The following PRH1 variants were observed in gnomAD, a reference collection of about 807,000 sequenced individuals.
PRH1 encodes proline rich protein HaeIII subfamily 1.
A neutral mutation model predicts 7.9 loss-of-function variants in PRH1; 7 were observed. The ratio of observed to expected loss-of-function variants is 0.89; its 90% CI spans 0.50 to 1.67. The LOEUF (loss-of-function observed/expected upper bound fraction) is 1.67. PRH1 is among the 40% of genes most tolerant of loss of function. PRH1 has a pLI of 0.00. For missense variants in PRH1, 109 were observed against 223.6 expected (o/e 0.49, Z 3.27); for synonymous variants, 45 against 80.8 (o/e 0.56, Z 2.38).
chr12:10,980,538 T>C (rs1227594020), intron 1 of PRH1, among the ~76,000 whole-genome samples: 1 of 151,978 alleles, frequency 6.6e-6, no homozygotes, highest in African/African-American at 2.4e-5. Flanking sequence ...CTTTATATAA[T>C]GAGAAATATG....
chr12:10,907,513 ATG>A (rs10566346), intron 2 of PRH1, among the ~76,000 whole-genome samples: 73,491 of 150,358 alleles, frequency 0.49, 20,203 homozygotes, highest in East Asian at 0.71. Context: ...CTATAACTGT[ATG>A]TGTGTGTGTG....
upstream of PRH1, among the ~76,000 whole-genome samples, chr12:10,885,662 T>G (rs1172333467): frequency 6.6e-6 from 1 of 152,218 alleles, no homozygotes; most frequent in Non-Finnish European, 1.5e-5. Context: ...ACCTAGAAAT[T>G]CCCTGCTCAT....
intron 1 of PRH1, among the ~76,000 whole-genome samples, chr12:11,139,351 T>C (rs912575492): frequency 4.6e-5 from 7 of 152,182 alleles, no homozygotes; most frequent in Non-Finnish European, 8.8e-5. Context: ...CGTCTTCTTG[T>C]TGATATTTCC....
chr12:11,032,413 A>G (rs1332592905), intron 1 of PRH1, among the ~76,000 whole-genome samples: 1 of 152,242 alleles, frequency 6.6e-6, no homozygotes, highest in African/African-American at 2.4e-5. Context: ...CTTGAGAACC[A>G]CAGGCAGGCC....
intron 1 of PRH1, among the ~76,000 whole-genome samples, chr12:11,083,937 G>GTATAGTGTTCGTTA (rs1311213420): frequency 4.0e-5 from 3 of 74,122 alleles, no homozygotes; most frequent in Non-Finnish European, 6.3e-5. Context: ...TGGTTCTGCT[G>GTATAGTGTTCGTTA]GGACAATTAA....
intron 2 of PRH1, among the ~76,000 whole-genome samples, chr12:10,923,990 G>GTTTTTTTTTTTTTTTTT (rs35612831): frequency 1.1e-5 from 1 of 89,458 alleles, no homozygotes; most frequent in Non-Finnish European, 1.9e-5. Context: ...TTCTCCATCT[G>GTTTTTTTTTTTTTTTTT]TTTTTTTTTT....
Position 10,918,208 on chromosome 12 carries a change from C to T in PRH1, c.-58-33933G>A, listed in dbSNP as rs190217689. ...ACACAGGGAGGGGAACAACACTTAG[C>T]GGGCATGTTGGGGCAGGACGGGGGT... is the stretch of plus-strand genomic sequence containing the variant. On this transcript the variant is annotated intron_variant, in intron 2 of 3. Transcript: ENST00000539853. 4.5e-4 allele frequency among the ~76,000 whole-genome samples: 68 copies of T among 151,998 alleles called. 1 individual carries two copies. In the East Asian group the frequency reaches 0.01, roughly 22 times the overall value.
chr12:11,018,942 T>C (rs1941439973), intron 1 of PRH1, among the ~76,000 whole-genome samples: 1 of 152,074 alleles, frequency 6.6e-6, no homozygotes, highest in East Asian at 1.9e-4. Flanking sequence ...TATGTGCATG[T>C]CTAAAAAGTT....
At chr12:11,055,931 G>A (rs1943345594) in intron 1 of PRH1, among the ~76,000 whole-genome samples, 1 of 152,210 alleles carries the variant, frequency 6.6e-6, no homozygotes, top group Non-Finnish European at 1.5e-5. Flanking sequence ...GCCCAGGAAG[G>A]CCAATATTCC....
chr12:10,929,320 C>T, intron 2 of PRH1: 2 of 1,614,136 alleles, frequency 1.2e-6, no homozygotes, highest in Non-Finnish European at 8.5e-7. Flanking sequence ...TTCAGCTCAG[C>T]TCAGGACTTA....
intron 1 of PRH1, among the ~76,000 whole-genome samples, chr12:11,026,858 A>G (rs1401452027): frequency 2.0e-5 from 3 of 152,256 alleles, no homozygotes; most frequent in Admixed American, 2.0e-4. Context: ...AGGAAAAATC[A>G]AAACAATTTG....
intron 1 of PRH1, chr12:11,031,242 A>T (rs1182280438): frequency 1.2e-6 from 2 of 1,613,996 alleles, no homozygotes; most frequent in Non-Finnish European, 1.7e-6. Context: ...CGCTCAATGG[A>T]ATTTACCAAT....
chr12:11,102,187 A>C (rs1945276483), intron 1 of PRH1, among the ~76,000 whole-genome samples: 1 of 152,182 alleles, frequency 6.6e-6, no homozygotes, highest in Admixed American at 6.5e-5. Context: ...ATTGGAAAAA[A>C]ACTACTTTAA....
chr12:11,034,906 A>AATG (rs1352929274), intron 1 of PRH1: 4 of 152,458 alleles, frequency 2.6e-5, no homozygotes, highest in Non-Finnish European at 4.4e-5. Flanking sequence ...AAATAATAAT[A>AATG]ATAATATTAA....
intron 1 of PRH1, among the ~76,000 whole-genome samples, chr12:11,112,353 G>C (rs1358193544): frequency 6.6e-6 from 1 of 152,000 alleles, no homozygotes; most frequent in Non-Finnish European, 1.5e-5. Context: ...ACAGCAAAAA[G>C]AGAAAATTTT....
intron 1 of PRH1, among the ~76,000 whole-genome samples, chr12:11,165,234 TGAG>T (rs1947538836): frequency 1.3e-5 from 2 of 152,198 alleles, no homozygotes; most frequent in Admixed American, 1.3e-4. Context: ...CAGTAATGTA[TGAG>T]GATTCTAGTT....
rs568867935 is a variant in PRH1, at chr12:10,918,709, A to G, written c.-58-34434T>C. On this transcript the variant is annotated intron_variant, in intron 2 of 3. Transcript: ENST00000539853. ...CTATGTAACAATTTACAAAAGCAAAATGTGGCCAATTTGAAATGCAAAATA... is the reference window on the plus strand; with the variant it reads ...CTATGTAACAATTTACAAAAGCAAAGTGTGGCCAATTTGAAATGCAAAATA... Among the ~76,000 whole-genome samples the G allele has an allele frequency of 7.2e-5, 11 of 152,350 alleles. No homozygotes were observed. The East Asian group carries it at 2.1e-3, about 29-fold the overall frequency.
At position 10,900,711 on chromosome 12, in the gene PRH1, A is replaced by C. The variant is rs551846569; in HGVS notation, c.-58-16436T>G. ...TTCCCCTGTGATTGTGGTGCAGCAG[A>C]CTCTCCTCCACTCTACCTCTAGGCA... On this transcript the variant is annotated intron_variant, in intron 2 of 3. Transcript: ENST00000539853. Among the ~76,000 whole-genome samples the C allele has an allele frequency of 2.6e-5, 4 of 151,884 alleles. No homozygotes were observed. In the South Asian group the frequency reaches 6.3e-4, roughly 24 times the overall value.
At chr12:10,918,255 G>A (rs1279258750) in intron 2 of PRH1, among the ~76,000 whole-genome samples, 1 of 152,070 alleles carries the variant, frequency 6.6e-6, no homozygotes, top group African/African-American at 2.4e-5. Flanking sequence ...AGAGAAAAGA[G>A]TTGATGCATG....
Sources: gnomAD v4.1 joint callset for allele counts (sites outside exome capture counted in the v4.1 genomes callset) on GRCh38, gnomAD v4.1.1 for gene constraint, MANE v1.5 for transcripts, NCBI Gene and HGNC (gene_info 2026-07-23, HGNC 2026-07-21) for gene names.